Variants in FARP1 observed in about 807,000 individuals in gnomAD.
FARP1 encodes the protein FERM, ARH/RhoGEF and pleckstrin domain protein 1.
In FARP1, 52 loss-of-function variants were observed where a neutral mutation model predicts 128.8. The observed-to-expected ratio is 0.40, with a 90% CI of 0.32 to 0.51. FARP1 has a LOEUF of 0.51. FARP1 is among the 20% of genes least tolerant of loss of function. FARP1 has a pLI of 0.45. For missense variants in FARP1, 1,333 were observed against 1,367.9 expected (o/e 0.97, Z 0.40); for synonymous variants, 580 against 551.8 (o/e 1.05, Z -0.72).
intron 1 of FARP1, among the ~76,000 whole-genome samples, chr13:98,158,919 G>C (rs1462633530): frequency 1.3e-5 from 2 of 152,106 alleles, no homozygotes; most frequent in South Asian, 2.1e-4. Context: ...CCATTCCTTG[G>C]AGAGCTAGGA....
intron 1 of FARP1, chr13:98,177,357 T>C (rs1878161062): frequency 2.5e-6 from 2 of 787,662 alleles, no homozygotes; most frequent in African/African-American, 3.5e-5. Flanking sequence ...AAAGAAAAGC[T>C]TCTGCTAGGC....
intron 2 of FARP1, among the ~76,000 whole-genome samples, chr13:98,299,854 T>G (rs1186266046): frequency 1.3e-5 from 2 of 152,236 alleles, no homozygotes; most frequent in Non-Finnish European, 2.9e-5. Context: ...ATTCTAGCTC[T>G]TTATTATTTT....
At chr13:98,227,451 T>TAAAA (rs61196423) in intron 2 of FARP1, among the ~76,000 whole-genome samples, 17 of 141,536 alleles carry the variant, frequency 1.2e-4, no homozygotes, top group African/African-American at 4.4e-4. Context: ...TGGCTACTAT[T>TAAAA]AAAAAAAAAA....
intron 6 of FARP1, 144 bp from the exon 7 acceptor site, chr13:98,384,586 C>T (rs1160420088): frequency 1.6e-6 from 1 of 617,260 alleles, no homozygotes; most frequent in Non-Finnish European, 2.9e-6. Flanking sequence ...CATCCCGTCT[C>T]TGAGATCTGG....
chr13:98,314,830 A>G (rs1886653224), intron 2 of FARP1, among the ~76,000 whole-genome samples: 2 of 152,202 alleles, frequency 1.3e-5, no homozygotes, highest in South Asian at 2.1e-4. Context: ...GGATGAGCCA[A>G]TTAAGGAAGA....
intron 2 of FARP1, among the ~76,000 whole-genome samples, chr13:98,269,096 A>T (rs1219303079): frequency 6.6e-6 from 1 of 152,018 alleles, no homozygotes; most frequent in Non-Finnish European, 1.5e-5. Context: ...TATAGTATTT[A>T]ATAAATATTG....
At chr13:98,324,482 G>C (rs1887146707) in intron 2 of FARP1, among the ~76,000 whole-genome samples, 1 of 152,180 alleles carries the variant, frequency 6.6e-6, no homozygotes, top group African/African-American at 2.4e-5. Flanking sequence ...CATCAGTTCA[G>C]TCTAAAGAGC....
chr13:98,418,256 GTTTGT>G (rs141985701), intron 16 of FARP1, among the ~76,000 whole-genome samples: 43,047 of 150,626 alleles, frequency 0.29, 6,631 homozygotes, highest in Middle Eastern at 0.39. Context: ...ATGTTTATTT[GTTTGT>G]TTTGTTTTGT....
chr13:98,167,445 T>C (rs72653398), intron 1 of FARP1, among the ~76,000 whole-genome samples: 7,378 of 148,362 alleles, frequency 0.05, 257 homozygotes, highest in Admixed American at 0.11. Context: ...ACTCTCACTC[T>C]GTCACCCAGG....
rs765584203 is a variant in FARP1, at chr13:98,439,943, A to G, written c.2434-18A>G. 2.2e-5 allele frequency: 34 copies of G among 1,528,636 alleles called. No homozygotes were observed. The highest frequency in any genetic ancestry group is 1.6e-4 in the East Asian group (7 of 43,980). The allele number at this position is 1,528,636 out of a possible 1,614,324, so 94.7% of individuals were successfully genotyped here. A position where few individuals can be genotyped will look rare whatever the true frequency, so the allele number is the denominator to read the frequency against. On this transcript the variant is annotated intron_variant, in intron 21 of 26. Transcript: ENST00000319562. ...GCATCACGTGCCTCATGGTGACGTT[A>G]TCTTCTCTTGCCCACAGATTGAGGA... is the stretch of plus-strand genomic sequence containing the variant.
intron 1 of FARP1, among the ~76,000 whole-genome samples, chr13:98,164,282 T>C (rs1444712800): frequency 6.6e-6 from 1 of 151,106 alleles, no homozygotes; most frequent in African/African-American, 2.5e-5. Flanking sequence ...GTTTTCACCA[T>C]ATGGCGGGTG....
chr13:98,406,229 A>C (rs970121677), intron 13 of FARP1: 1 of 152,232 alleles, frequency 6.6e-6, no homozygotes, highest in Non-Finnish European at 1.5e-5. Context: ...AGCATATTTC[A>C]TTAATTGCTG....
chr13:98,370,702 A>G (rs922998814), intron 5 of FARP1, among the ~76,000 whole-genome samples: 5 of 152,128 alleles, frequency 3.3e-5, no homozygotes, highest in African/African-American at 1.2e-4. Context: ...TAGCTGTCCC[A>G]TGACCACAGC....
At chr13:98,317,034 G>A (rs1270048181) in intron 2 of FARP1, among the ~76,000 whole-genome samples, 2 of 152,112 alleles carry the variant, frequency 1.3e-5, no homozygotes, top group Non-Finnish European at 2.9e-5. Context: ...TGGAGAACAA[G>A]CAGCTCCATG....
In FARP1 at chr13:98,440,213, G is replaced by C. The variant is rs1892467475; in HGVS notation, c.2607G>C (p.Leu869=). Reference sequence around the variant, plus strand: ...GCAGCAGCCCCGCCCCTGAGTTCCTGGCCAGCAGCCCCCCTGACAACAGTG... The same window carrying C: ...GCAGCAGCCCCGCCCCTGAGTTCCTCGCCAGCAGCCCCCCTGACAACAGTG... ...EKSSSPAPEF[L]ASSPPDNKSP... is the part of the protein sequence containing the mutation. Residue 869 remains leucine, a synonymous_variant, in exon 23 of 27, where the codon CTG becomes CTC. Coordinates refer to ENST00000319562, the MANE Select transcript of FARP1 (RefSeq NM_005766.4). 25 of 1,613,824 alleles carry C rather than the reference G, an allele frequency of 1.5e-5. No homozygotes were observed. The highest frequency in any genetic ancestry group is 2.0e-5 in the Non-Finnish European group (24 of 1,179,784).
chr13:98,169,034 TG>T (rs2139156875), intron 1 of FARP1, among the ~76,000 whole-genome samples: 3 of 152,298 alleles, frequency 2.0e-5, no homozygotes, highest in African/African-American at 7.2e-5. Context: ...TGTTTTTTTT[TG>T]TTGTTAAGAT....
chr13:98,253,500 T>TCTGC (rs1302881062), intron 2 of FARP1, among the ~76,000 whole-genome samples: 1 of 152,182 alleles, frequency 6.6e-6, no homozygotes, highest in African/African-American at 2.4e-5. Context: ...CCTGCCTGCC[T>TCTGC]CTGCCACTTT....
At chr13:98,182,494 T>C (rs1250925430) in intron 1 of FARP1, among the ~76,000 whole-genome samples, 1 of 151,848 alleles carries the variant, frequency 6.6e-6, no homozygotes, top group Admixed American at 6.6e-5. Context: ...ACCTGGCTGA[T>C]TTTTGTATTT....
At chr13:98,256,948 G>GGGATATAT (rs59128917) in intron 2 of FARP1, among the ~76,000 whole-genome samples, 1 of 77,074 alleles carries the variant, frequency 1.3e-5, no homozygotes, top group Non-Finnish European at 2.7e-5. Flanking sequence ...TATATATGTG[G>GGGATATAT]ATATATATAT....
Sources: gnomAD v4.1 joint callset for allele counts (sites outside exome capture counted in the v4.1 genomes callset) on GRCh38, gnomAD v4.1.1 for gene constraint, MANE v1.5 for transcripts, NCBI Gene and HGNC (gene_info 2026-07-23, HGNC 2026-07-21) for gene names.